Variants in BACH2 observed in about 807,000 individuals in gnomAD.
The protein encoded by BACH2 is transcription regulator protein BACH2.
In BACH2, 5 loss-of-function variants were observed where a neutral mutation model predicts 61.8. The observed-to-expected ratio is 0.08, with a 90% CI of 0.04 to 0.17. The LOEUF is 0.17. Among genes scored for constraint, BACH2 ranks in the 10% least tolerant of loss-of-function variants. The probability of loss-of-function intolerance (pLI) is 1.00; values close to 1 mark genes in which losing one functional copy is unlikely to be tolerated. For missense variants in BACH2, 824 were observed against 1,091.1 expected, an observed-to-expected ratio of 0.76 and a Z score of 3.45; for synonymous variants, 446 against 440.1, an observed-to-expected ratio of 1.01 and a Z score of -0.17.
At chr6:89,985,561 G>T (rs1776196489) in intron 6 of BACH2, among the ~76,000 whole-genome samples, 1 of 152,140 alleles carries the variant, frequency 6.6e-6, no homozygotes, top group Non-Finnish European at 1.5e-5. Context: ...TGCCCCTGGG[G>T]CAGACACATG....
chr6:90,172,222 C>T (rs1767838186), intron 4 of BACH2, among the ~76,000 whole-genome samples: 1 of 148,936 alleles, frequency 6.7e-6, no homozygotes, highest in African/African-American at 2.5e-5. Context: ...AGGAGAATTG[C>T]TTGAACCTGG....
Position 89,931,577 on chromosome 6 carries a change from C to T in BACH2, c.*831G>A, listed in dbSNP as rs918971665. On this transcript the variant is annotated 3_prime_UTR_variant, in exon 9 of 9. Coordinates refer to ENST00000257749, the MANE Select transcript of BACH2 (RefSeq NM_021813.4). ...AGTGGCAAAGTTGACCATTACTGTA[C>T]AGTATCTGCAAGGAAAACAAAAACA... 2.0e-5 allele frequency: 3 copies of T among 152,542 alleles called. No individual in the cohort carries two copies. Among genetic ancestry groups the T allele is most frequent in the Non-Finnish European group, 2.9e-5 (2 of 68,036 alleles). 9.4% of individuals were successfully genotyped at this position (152,542 alleles called of 1,614,324 possible). A position where few individuals can be genotyped will look rare whatever the true frequency, so the allele number is the denominator to read the frequency against.
chr6:90,205,606 C>T (rs1769117765), intron 4 of BACH2, among the ~76,000 whole-genome samples: 1 of 152,226 alleles, frequency 6.6e-6, no homozygotes, highest in Non-Finnish European at 1.5e-5. Flanking sequence ...ATCCCTGCTC[C>T]AGCCATACCA....
At chr6:89,959,030 TG>T (rs1159321461) in intron 6 of BACH2, among the ~76,000 whole-genome samples, 1 of 151,752 alleles carries the variant, frequency 6.6e-6, no homozygotes, top group Non-Finnish European at 1.5e-5. Context: ...TGGGGCCCTG[TG>T]CAATTAGTTG....
Position 90,267,958 on chromosome 6 carries a change from A to T in BACH2, c.-353+3891T>A, listed in dbSNP as rs184191184. ...TATGCATTGTCCTACAATTTTTTTT[A>T]AAATAGAAAAAGTTTAAGTAAACAG... On this transcript the variant is annotated intron_variant, in intron 2 of 8. Coordinates refer to ENST00000257749, the MANE Select transcript of BACH2 (RefSeq NM_021813.4). Among the ~76,000 whole-genome samples the T allele has an allele frequency of 1.9e-3, 295 of 152,078 alleles. 8 individuals are homozygous for T. In the South Asian group the frequency reaches 0.034, roughly 18 times the overall value.
chr6:90,010,914 C>T (rs1023597005), intron 5 of BACH2, among the ~76,000 whole-genome samples: 2 of 152,094 alleles, frequency 1.3e-5, no homozygotes, highest in African/African-American at 4.8e-5. Flanking sequence ...AGATTCTTTG[C>T]CCATTTTTAA....
At chr6:90,006,069 C>T (rs889384442) in intron 6 of BACH2, among the ~76,000 whole-genome samples, 1 of 152,128 alleles carries the variant, frequency 6.6e-6, no homozygotes, top group Non-Finnish European at 1.5e-5. Flanking sequence ...GGGATTTGAT[C>T]TAAAAAGAAA....
chr6:90,047,214 G>A (rs1363416985), intron 5 of BACH2, among the ~76,000 whole-genome samples: 3 of 152,244 alleles, frequency 2.0e-5, no homozygotes, highest in Non-Finnish European at 4.4e-5. Flanking sequence ...GAGCCACTGT[G>A]CCTGTCCTGC....
intron 3 of BACH2, among the ~76,000 whole-genome samples, chr6:90,234,888 TG>T (rs1381206794): frequency 6.6e-6 from 1 of 152,174 alleles, no homozygotes; most frequent in East Asian, 1.9e-4. Flanking sequence ...ACTCACTAGC[TG>T]GGTGACCTTG....
intron 3 of BACH2, among the ~76,000 whole-genome samples, chr6:90,214,775 T>TC (rs1769475128): frequency 7.2e-6 from 1 of 138,444 alleles, no homozygotes; most frequent in African/African-American, 3.1e-5. Context: ...TTTTTTTTTT[T>TC]TTCTGAGACA....
intron 1 of BACH2, among the ~76,000 whole-genome samples, chr6:90,290,150 T>C (rs184518138): frequency 3.3e-5 from 5 of 152,326 alleles, no homozygotes; most frequent in Non-Finnish European, 5.9e-5. Context: ...AGTGAATTAA[T>C]AGGATTAGGA....
At chr6:90,140,559 A>T (rs1414904287) in intron 4 of BACH2, among the ~76,000 whole-genome samples, 1 of 152,216 alleles carries the variant, frequency 6.6e-6, no homozygotes, top group Non-Finnish European at 1.5e-5. Flanking sequence ...AATATACCAC[A>T]TGGTACTACA....
chr6:90,283,802 G>C (rs1771934208), intron 1 of BACH2, among the ~76,000 whole-genome samples: 1 of 152,064 alleles, frequency 6.6e-6, no homozygotes, highest in African/African-American at 2.4e-5. Flanking sequence ...GAGGTCAGGA[G>C]TTCGAGACCA....
At chr6:90,076,442 C>T (rs1232778363) in intron 5 of BACH2, among the ~76,000 whole-genome samples, 1 of 152,170 alleles carries the variant, frequency 6.6e-6, no homozygotes, top group Non-Finnish European at 1.5e-5. Context: ...ATACTCCAAG[C>T]ACACATGATG....
chr6:90,016,764 T>A (rs1228741389), intron 5 of BACH2, among the ~76,000 whole-genome samples: 33 of 152,210 alleles, frequency 2.2e-4, no homozygotes, highest in Admixed American at 2.2e-3. Context: ...GCCTTCATTT[T>A]TGAAAGTTAT....
At chr6:90,098,281 C>CG (rs1782464280) in intron 4 of BACH2, among the ~76,000 whole-genome samples, 1 of 140,414 alleles carries the variant, frequency 7.1e-6, no homozygotes, top group African/African-American at 2.6e-5. Flanking sequence ...TTGCCCCCCC[C>CG]GCAACCCCCA....
At chr6:90,251,658 T>C (rs1347329040) in intron 3 of BACH2, among the ~76,000 whole-genome samples, 2 of 152,150 alleles carry the variant, frequency 1.3e-5, no homozygotes, top group Admixed American at 1.3e-4. Context: ...CTTTCTAACT[T>C]AGAGGGTAAC....
At chr6:90,109,984 C>T (rs1783098317) in intron 4 of BACH2, among the ~76,000 whole-genome samples, 1 of 152,086 alleles carries the variant, frequency 6.6e-6, no homozygotes. Flanking sequence ...TATATTAACA[C>T]AAATCACATA....
intron 4 of BACH2, among the ~76,000 whole-genome samples, chr6:90,090,596 T>A (rs1782121006): frequency 1.3e-5 from 2 of 152,186 alleles, no homozygotes; most frequent in South Asian, 4.1e-4. Context: ...AGCTTGCTGT[T>A]TTTGACATAG....
Sources: allele counts gnomAD v4.1 joint callset (sites outside exome capture counted in the v4.1 genomes callset), GRCh38; gene constraint gnomAD v4.1.1; transcripts MANE v1.5; gene names NCBI Gene and HGNC (gene_info 2026-07-23, HGNC 2026-07-21).